Variants in FBLN1 observed in about 807,000 individuals in gnomAD.
The protein encoded by FBLN1 is fibulin 1, also known as fibulin-1.
A neutral mutation model predicts 89.7 loss-of-function variants in FBLN1; 34 were observed. The ratio of observed to expected loss-of-function variants is 0.38; its 90% CI spans 0.29 to 0.50. The LOEUF (loss-of-function observed/expected upper bound fraction) is 0.50. Ranked by LOEUF, FBLN1 falls within the 20% of genes least tolerant of loss-of-function variation. The probability of loss-of-function intolerance (pLI) is 0.92; values close to 1 mark genes in which losing one functional copy is unlikely to be tolerated. For synonymous variants in FBLN1, 393 were observed against 391.3 expected, an observed-to-expected ratio of 1.00 and a Z score of -0.05; for missense variants, 777 against 988.1, an observed-to-expected ratio of 0.79 and a Z score of 2.86.
intron 2 of FBLN1, among the ~76,000 whole-genome samples, chr22:45,519,107 G>T (rs1014383392): frequency 6.7e-6 from 1 of 149,402 alleles, no homozygotes; most frequent in Non-Finnish European, 1.5e-5. Context: ...GGACAGTTGT[G>T]GGGGAGCAAA....
rs1368917891 is a variant in FBLN1, at chr22:45,549,739, A to C, written c.1574-753A>C. On this transcript the variant is annotated intron_variant, in intron 13 of 16. Coordinates refer to ENST00000327858, the MANE Select transcript of FBLN1 (RefSeq NM_006486.3). The surrounding 1 kb of genome is among the most constrained non-coding windows in gnomAD (Gnocchi z 5.7). The stretch of plus-strand genomic sequence containing the variant: ...ATGGATGTCTCCCAGGGTTGGTGAC[A>C]GCCCCTGAGCCCCACTGTTTGGCTG... Among the ~76,000 whole-genome samples, 2 of 152,124 alleles carry C rather than the reference A, an allele frequency of 1.3e-5. No homozygotes were observed. The highest frequency in any genetic ancestry group is 2.9e-5 in the Non-Finnish European group (2 of 68,006).
chr22:45,576,878 TA>T lies in FBLN1; in HGVS notation c.1841-98del. The T allele has an allele frequency of 7.0e-7, 1 of 1,436,958 alleles. No individual in the cohort carries two copies. Among genetic ancestry groups the T allele is most frequent in the South Asian group, 1.2e-5 (1 of 85,774 alleles). 89.0% of individuals were successfully genotyped at this position (1,436,958 alleles called of 1,614,324 possible). A position where few individuals can be genotyped will look rare whatever the true frequency, so the allele number is the denominator to read the frequency against. Reference sequence around the variant, plus strand: ...GTTGTCTCATGAAAGGGCCCTGGGTTAGGTCTTCATTCCCCAAGGGTGAGTT... The same window carrying T: ...GTTGTCTCATGAAAGGGCCCTGGGTTGGTCTTCATTCCCCAAGGGTGAGTT... On this transcript the variant is annotated intron_variant, in intron 15 of 16. Transcript: ENST00000327858. The surrounding 1 kb of genome is among the most constrained non-coding windows in gnomAD (Gnocchi z 5.2).
At chr22:45,546,439 C>T (rs2088629122) in intron 11 of FBLN1, among the ~76,000 whole-genome samples, 1 of 152,204 alleles carries the variant, frequency 6.6e-6, no homozygotes, top group African/African-American at 2.4e-5. Context: ...TGGTCTCGAA[C>T]CCCTGACCTC....
In FBLN1 at chr22:45,518,266, C is replaced by T. The variant is rs529399096; in HGVS notation, c.80-416C>T. On this transcript the variant is annotated intron_variant, in intron 1 of 16. Coordinates refer to ENST00000327858, the MANE Select transcript of FBLN1 (RefSeq NM_006486.3). ...GTCGGCTGTTCCCTGACCTGCTGGGCTGGGCTGGCCGGCAGCATGGCCGTG... is the reference window on the plus strand; with the variant it reads ...GTCGGCTGTTCCCTGACCTGCTGGGTTGGGCTGGCCGGCAGCATGGCCGTG... 3.3e-5 allele frequency among the ~76,000 whole-genome samples: 5 copies of T among 152,206 alleles called. No individual in the cohort carries two copies. In the South Asian group the frequency reaches 1.0e-3, roughly 32 times the overall value.
At chr22:45,592,823 T>G (rs2089150673) in intron 16 of FBLN1, among the ~76,000 whole-genome samples, 1 of 152,154 alleles carries the variant, frequency 6.6e-6, no homozygotes, top group East Asian at 1.9e-4. Context: ...TTCAGCACCT[T>G]GTCCACACAG....
chr22:45,546,241 G>A (rs1361145087), intron 11 of FBLN1, among the ~76,000 whole-genome samples: 4 of 151,922 alleles, frequency 2.6e-5, no homozygotes, highest in Non-Finnish European at 4.4e-5. Flanking sequence ...ATTTTGAGAC[G>A]GAGTCTCGCT....
intron 14 of FBLN1, chr22:45,558,151 G>A (rs2088812017): frequency 2.8e-6 from 2 of 712,284 alleles, no homozygotes; most frequent in Non-Finnish European, 2.6e-6. Context: ...GAGACCACGG[G>A]CATTTGAGCC....
intron 3 of FBLN1, among the ~76,000 whole-genome samples, chr22:45,527,362 C>T (rs541969746): frequency 7.2e-5 from 11 of 152,252 alleles, no homozygotes; most frequent in East Asian, 1.9e-4. Flanking sequence ...TTCAAATGCA[C>T]GGTGCAATTC....
At chr22:45,569,268 T>C (rs1404995350) in intron 14 of FBLN1, among the ~76,000 whole-genome samples, 1 of 152,150 alleles carries the variant, frequency 6.6e-6, no homozygotes, top group Non-Finnish European at 1.5e-5. Context: ...CCAAATGCAG[T>C]CACATTCAAC....
intron 16 of FBLN1, among the ~76,000 whole-genome samples, chr22:45,586,603 C>T (rs915525469): frequency 3.3e-5 from 5 of 152,198 alleles, no homozygotes; most frequent in African/African-American, 9.6e-5. Context: ...TAGCACCTGG[C>T]GGGCATCTGA....
chr22:45,555,067 G>C (rs2088764385), intron 14 of FBLN1, among the ~76,000 whole-genome samples: 1 of 150,522 alleles, frequency 6.6e-6, no homozygotes, highest in Non-Finnish European at 1.5e-5. Context: ...TCCACCGCAG[G>C]AGGTTAGGAC....
Position 45,550,674 on chromosome 22 carries a change from G to A in FBLN1, c.1697+59G>A. The stretch of plus-strand genomic sequence containing the variant: ...CTGTGTTGGCCTTCCTGGTGACCCA[G>A]TTCCCGGGTGGGTGGGTTATCAGGC... On this transcript the variant is annotated intron_variant, in intron 14 of 16. Transcript: ENST00000327858. The surrounding 1 kb of genome is among the most constrained non-coding windows in gnomAD (Gnocchi z 8.4). The A allele has an allele frequency of 6.2e-7, 1 of 1,613,100 alleles. No individual in the cohort carries two copies. Among genetic ancestry groups the A allele is most frequent in the Non-Finnish European group, 8.5e-7 (1 of 1,179,570 alleles).
chr22:45,525,463 G>A, intron 2 of FBLN1, 80 bp from the exon 3 acceptor site: 2 of 1,335,594 alleles, frequency 1.5e-6, no homozygotes, highest in Non-Finnish European at 2.1e-6. Context: ...TCAAAGGTGA[G>A]AGCACCCCCA....
Position 45,548,609 on chromosome 22 carries a change from G to A in FBLN1, c.1442-4G>A. The A allele has an allele frequency of 6.2e-7, 1 of 1,613,552 alleles. No homozygotes were observed. The highest frequency in any genetic ancestry group is 8.5e-7 in the Non-Finnish European group (1 of 1,179,976). On this transcript the variant is annotated splice_polypyrimidine_tract_variant and splice_region_variant and intron_variant, in intron 12 of 16. Coordinates refer to ENST00000327858, the MANE Select transcript of FBLN1 (RefSeq NM_006486.3). ...TGAGGCTGAGGTGGGCTTTGCCGTT[G>A]CAGACATCGACGAGTGCGCCCTGCC...
intron 16 of FBLN1, among the ~76,000 whole-genome samples, chr22:45,598,656 A>C (rs2089206244): frequency 6.6e-6 from 1 of 151,988 alleles, no homozygotes; most frequent in East Asian, 1.9e-4. Context: ...TTCATCCTAG[A>C]TCTCCCACCA....
rs2089037478 is a variant in FBLN1, at chr22:45,580,978, T to C, written c.1972+3870T>C. On this transcript the variant is annotated intron_variant, in intron 16 of 16. Transcript: ENST00000327858. The surrounding 1 kb of genome is among the most constrained non-coding windows in gnomAD (Gnocchi z 8.6). ...GTCAAAGAAAAATGAAGAATGCGTT[T>C]TCGCCCTGTGCAAAAATGCTCCATT... Among the ~76,000 whole-genome samples, 2 of 152,244 alleles carry C rather than the reference T, an allele frequency of 1.3e-5. No individual in the cohort carries two copies. Among genetic ancestry groups the C allele is most frequent in the Admixed American group, 6.5e-5 (1 of 15,284 alleles).
At position 45,600,358 on chromosome 22, in the gene FBLN1, A is replaced by G; in HGVS notation, c.2024A>G (p.Lys675Arg). 1.2e-6 allele frequency: 2 copies of G among 1,614,158 alleles called. No homozygotes were observed. Among genetic ancestry groups the G allele is most frequent in the East Asian group, 4.5e-5 (2 of 44,876 alleles). Residue 675 changes from lysine to arginine, a missense_variant, in exon 17 of 17, where the codon AAG becomes AGG. Physicochemically the swap from Lys to Arg is conservative, Grantham distance 26 (BLOSUM62 2). Coordinates refer to ENST00000327858, the MANE Select transcript of FBLN1 (RefSeq NM_006486.3). Reference protein sequence around the residue: ...PIVGPFHAVLKLEMNYVVGGV... With the variant: ...PIVGPFHAVLRLEMNYVVGGV... ...GTGGGCCCATTTCATGCCGTCCTGAAGCTGGAGATGAACTATGTGGTCGGG... is the reference window on the plus strand; with the variant it reads ...GTGGGCCCATTTCATGCCGTCCTGAGGCTGGAGATGAACTATGTGGTCGGG...
intron 3 of FBLN1, 29 bp from the exon 4 acceptor site, chr22:45,527,818 C>T (rs1340211003): frequency 1.2e-6 from 2 of 1,612,878 alleles, no homozygotes; most frequent in African/African-American, 1.3e-5. Flanking sequence ...GCCCGCTCCT[C>T]CATCTGGGAT....
intron 1 of FBLN1, among the ~76,000 whole-genome samples, chr22:45,510,614 A>G (rs1308907949): frequency 6.6e-6 from 1 of 152,102 alleles, no homozygotes; most frequent in Non-Finnish European, 1.5e-5. Context: ...AGCTTCTGCG[A>G]TGTTTACAGC....
Sources: gnomAD v4.1 joint callset for allele counts (sites outside exome capture counted in the v4.1 genomes callset) on GRCh38, gnomAD v4.1.1 for gene constraint, Gnocchi (gnomAD v3.1) non-coding constraint, MANE v1.5 for transcripts, NCBI Gene and HGNC (gene_info 2026-07-23, HGNC 2026-07-21) for gene names.